The following FAM151A variants were observed in gnomAD, a reference collection of about 807,000 sequenced individuals.
The protein encoded by FAM151A is protein FAM151A.
Under a neutral mutation model 40.4 loss-of-function variants are expected in FAM151A, and 41 were observed. The observed-to-expected ratio is 1.01, with a 90% CI of 0.79 to 1.32. The LOEUF is 1.32. Among genes scored for constraint, FAM151A ranks in the 40% most tolerant of loss-of-function variants. FAM151A has a pLI of 0.00. For synonymous variants in FAM151A, 337 were observed against 312.5 expected (o/e 1.08, Z -0.83); for missense variants, 740 against 740.4 (o/e 1.00, Z 0.01).
chr1:54,609,190 C>A lies in FAM151A; in HGVS notation c.*78G>T. Reference sequence around the variant, plus strand: ...ACTCACATACAGTGCCTGGAGAAAGCCAAAGACCTTTATTTCTTCCTGCCT... The same window carrying A: ...ACTCACATACAGTGCCTGGAGAAAGACAAAGACCTTTATTTCTTCCTGCCT... On this transcript the variant is annotated 3_prime_UTR_variant, in exon 8 of 8. Transcript: ENST00000302250. 1 of 1,600,098 alleles carries A rather than the reference C, an allele frequency of 6.2e-7. No individual in the cohort carries two copies. Among genetic ancestry groups the A allele is most frequent in the Admixed American group, 1.7e-5 (1 of 58,872 alleles).
rs754125731 is a variant in FAM151A at position 54,611,755 on chromosome 1, C to T, written c.801-10G>A. On this transcript the variant is annotated splice_polypyrimidine_tract_variant and intron_variant, in intron 5 of 7. Coordinates refer to ENST00000302250, the MANE Select transcript of FAM151A (RefSeq NM_176782.3). The stretch of plus-strand genomic sequence containing the variant: ...CAGCGTCAGGCTGTACCTGGGGACA[C>T]GAGAGCTGGCTCAGTGCCTGTCTGG... 2.3e-4 allele frequency: 372 copies of T among 1,613,684 alleles called. 3 individuals carry two copies. Among genetic ancestry groups the T allele is most frequent in the Admixed American group, 1.5e-4 (9 of 59,990 alleles).
At chr1:54,615,900 G>C (rs1027613092) in intron 3 of FAM151A, 120 bp downstream of exon 3, 22 of 1,026,938 alleles carry the variant, frequency 2.1e-5, no homozygotes, top group Non-Finnish European at 2.9e-5. Flanking sequence ...TGATGAGAAA[G>C]CCAAGGCAAT....
chr1:54,609,275 C>T lies in FAM151A; in HGVS notation c.1751G>A (p.Arg584Lys). 6.2e-7 allele frequency: 1 copy of T among 1,604,294 alleles called. No individual in the cohort carries two copies. Among genetic ancestry groups the T allele is most frequent in the Non-Finnish European group, 8.5e-7 (1 of 1,173,298 alleles). The change falls in exon 8 of 8, where the codon AGA (arginine) becomes AAA (lysine). Residue 584 changes from arginine (R) to lysine (K), a missense_variant. Coordinates refer to ENST00000302250, the MANE Select transcript of FAM151A (RefSeq NM_176782.3). ...CCCACCACCCCTGGGTGCTCAGTTTCTACCAACATGAGCCAGCAAGTCCTT... is the reference window on the plus strand; with the variant it reads ...CCCACCACCCCTGGGTGCTCAGTTTTTACCAACATGAGCCAGCAAGTCCTT... Reference protein sequence around the residue: ...YHKDLLAHVGRN With the variant: ...YHKDLLAHVGKN
At chr1:54,617,337 C>T (rs1048061458) in intron 2 of FAM151A, among the ~76,000 whole-genome samples, 5 of 152,064 alleles carry the variant, frequency 3.3e-5, no homozygotes, top group Admixed American at 2.6e-4. Flanking sequence ...GGCCTTTTCT[C>T]CTGCTTTCTC....
chr1:54,609,524 C>T lies in FAM151A; in HGVS notation c.1502G>A (p.Cys501Tyr). The T allele has an allele frequency of 6.2e-7, 1 of 1,613,046 alleles. No individual in the cohort carries two copies. Among genetic ancestry groups the T allele is most frequent in the Middle Eastern group, 1.7e-4 (1 of 6,046 alleles). The stretch of plus-strand genomic sequence containing the variant: ...GGACACAGGTTGCCAGAGCCCCTGG[C>T]ACAACTCTAGCATATCTGTGAGCAG... ...EQLLTDMLEL[C>Y]QGLWQPVSFQ... is the part of the protein sequence containing the mutation. The change falls in exon 8 of 8, where the codon TGC becomes TAC. Residue 501 changes from cysteine (C) to tyrosine (Y), a missense_variant. Coordinates refer to ENST00000302250, the MANE Select transcript of FAM151A (RefSeq NM_176782.3).
chr1:54,612,208 C>T (rs1289790608), intron 5 of FAM151A, among the ~76,000 whole-genome samples: 2 of 151,644 alleles, frequency 1.3e-5, no homozygotes, highest in African/African-American at 2.4e-5. Context: ...ACAGCGGGCT[C>T]CTATTGGAGG....
chr1:54,612,645 TAGA>T lies in FAM151A; in HGVS notation c.638_640del (p.Phe213del). On this transcript the variant is annotated inframe_deletion, in exon 5 of 8. Coordinates refer to ENST00000302250, the MANE Select transcript of FAM151A (RefSeq NM_176782.3). ...CGTCCTGTTTGGGGACGTGGACATG[TAGA>T]AGGTGGTCCAGCCTGGAGATAGGGT... The T allele has an allele frequency of 6.2e-7, 1 of 1,614,044 alleles. No individual in the cohort carries two copies. Among genetic ancestry groups the T allele is most frequent in the East Asian group, 2.2e-5 (1 of 44,848 alleles).
rs769081035 is a variant in FAM151A, at chr1:54,623,307, A to C, written c.89T>G (p.Ile30Arg). The C allele has an allele frequency of 2.5e-6, 4 of 1,613,920 alleles. No homozygotes were observed. Among genetic ancestry groups the C allele is most frequent in the African/African-American group, 2.7e-5 (2 of 74,894 alleles). ...CCGCCGCAGGGTGATGGCAAGGACT[A>C]TTGCGGCAATGACCACCACAGACAC... is the stretch of plus-strand genomic sequence containing the variant. ...TCVSVVVIAA[I>R]VLAITLRRPG... Residue 30 changes from isoleucine to arginine, a missense_variant, in exon 1 of 8, where the codon ATA becomes AGA. Physicochemically the swap from Ile to Arg is moderately conservative, Grantham distance 97. Coordinates refer to ENST00000302250, the MANE Select transcript of FAM151A (RefSeq NM_176782.3).
chr1:54,618,118 G>A (rs924847699), intron 2 of FAM151A, among the ~76,000 whole-genome samples: 3 of 152,022 alleles, frequency 2.0e-5, no homozygotes, highest in Admixed American at 2.0e-4. Flanking sequence ...AATTTGTTTT[G>A]TCCTCCCCAT....
At chr1:54,611,315 G>A (rs1041608239) in intron 6 of FAM151A, among the ~76,000 whole-genome samples, 16 of 152,046 alleles carry the variant, frequency 1.1e-4, no homozygotes, top group Admixed American at 9.2e-4. Context: ...CAGGAGAATC[G>A]CTTGAACCCA....
rs143819735 is a variant in FAM151A at position 54,619,380 on chromosome 1, G to A, written c.262+484C>T. 6.9e-4 allele frequency among the ~76,000 whole-genome samples: 105 copies of A among 152,330 alleles called. No homozygotes were observed. In the South Asian group the frequency reaches 8.7e-3, roughly 13 times the overall value. On this transcript the variant is annotated intron_variant, in intron 2 of 7. Transcript: ENST00000302250. ...GTTGGCTTAACTGCTTTCAGACAGT[G>A]TAACCTTGGCTAAGTCACCTAACTT... is the stretch of plus-strand genomic sequence containing the variant.
chr1:54,619,904 G>T lies in FAM151A; in HGVS notation c.222C>A (p.His74Gln), dbSNP rs769912646. Reference protein sequence around the residue: ...RRDALEVTWYHAANSKKAMTA... With the variant: ...RRDALEVTWYQAANSKKAMTA... ...TCATGGCTTTCTTGCTGTTGGCTGC[G>T]TGGTACCAGGTGACCTCCAAGGCAT... The change falls in exon 2 of 8, where the codon CAC becomes CAA. Residue 74 changes from histidine (H) to glutamine (Q), a missense_variant. By Grantham distance (24) the His-to-Gln change is conservative. Coordinates refer to ENST00000302250, the MANE Select transcript of FAM151A (RefSeq NM_176782.3). 6.2e-7 allele frequency: 1 copy of T among 1,614,134 alleles called. No individual in the cohort carries two copies. The highest frequency in any genetic ancestry group is 8.5e-7 in the Non-Finnish European group (1 of 1,180,038).
At chr1:54,611,448 C>A (rs1171526943) in intron 6 of FAM151A, among the ~76,000 whole-genome samples, 158 bp downstream of exon 6, 2 of 151,980 alleles carry the variant, frequency 1.3e-5, no homozygotes, top group Non-Finnish European at 2.9e-5. Flanking sequence ...GCTTAGCATA[C>A]CATCCCAGGG....
intron 6 of FAM151A, 55 bp downstream of exon 6, chr1:54,611,551 G>C: frequency 6.3e-7 from 1 of 1,591,898 alleles, no homozygotes; most frequent in Non-Finnish European, 8.6e-7. Flanking sequence ...TGCCCACCAG[G>C]TGCTGCTCCA....
intron 1 of FAM151A, among the ~76,000 whole-genome samples, chr1:54,622,275 C>CA (rs34730286): frequency 0.038 from 1,659 of 44,076 alleles, 29 homozygotes; most frequent in African/African-American, 0.056. Context: ...GACTCTGTCT[C>CA]AAAAAAAAAA....
intron 2 of FAM151A, among the ~76,000 whole-genome samples, chr1:54,617,871 GCAC>G (rs1391781106): frequency 1.3e-5 from 2 of 151,562 alleles, no homozygotes; most frequent in Non-Finnish European, 2.9e-5. Flanking sequence ...CTACAGGTAT[GCAC>G]CACCACCATG....
chr1:54,621,642 G>A (rs1043830167), intron 1 of FAM151A: 1 of 152,570 alleles, frequency 6.6e-6, no homozygotes, highest in East Asian at 1.9e-4. Context: ...CAGGCAGAGG[G>A]ACCTTGTAAG....
chr1:54,615,697 G>C (rs1317264553), intron 3 of FAM151A, among the ~76,000 whole-genome samples: 2 of 152,142 alleles, frequency 1.3e-5, no homozygotes, highest in African/African-American at 4.8e-5. Context: ...GGAAGGGTGG[G>C]GCTGGGCTTT....
Position 54,609,469 on chromosome 1 carries a change from G to C in FAM151A, c.1557C>G (p.His519Gln). 1 of 1,613,540 alleles carries C rather than the reference G, an allele frequency of 6.2e-7. No homozygotes were observed. The highest frequency in any genetic ancestry group is 2.2e-5 in the East Asian group (1 of 44,880). The stretch of plus-strand genomic sequence containing the variant: ...GCCTGCCTATGGCTCCAGCTGTGCT[G>C]TGGCCCAGCAGCATGGCCTGCATCT... ...SFQMQAMLLG[H>Q]STAGAIGRLL... Residue 519 changes from histidine (H) to glutamine (Q), a missense_variant, in exon 8 of 8, where the codon CAC becomes CAG. Physicochemically the swap from His to Gln is conservative, Grantham distance 24 (BLOSUM62 0). Coordinates refer to ENST00000302250, the MANE Select transcript of FAM151A (RefSeq NM_176782.3).
Sources: allele counts gnomAD v4.1 joint callset (sites outside exome capture counted in the v4.1 genomes callset), GRCh38; gene constraint gnomAD v4.1.1; transcripts MANE v1.5; gene names NCBI Gene and HGNC (gene_info 2026-07-23, HGNC 2026-07-21).